The following XYLB variants were observed in gnomAD, a reference collection of about 807,000 sequenced individuals.
The protein encoded by XYLB is xylulose kinase.
Under a neutral mutation model 78.7 loss-of-function variants are expected in XYLB, and 62 were observed. The observed-to-expected ratio is 0.79, with a 90% confidence interval of 0.64 to 0.97. The LOEUF (loss-of-function observed/expected upper bound fraction) is 0.97, where lower values mean the gene tolerates loss of function less well. XYLB is among the 50% of genes least tolerant of loss of function. The pLI is 0.00. For missense variants in XYLB, 687 were observed against 676.8 expected, an observed-to-expected ratio of 1.02 and a Z score of -0.17; for synonymous variants, 245 against 247.4, an observed-to-expected ratio of 0.99 and a Z score of 0.09.
chr3:38,348,437 C>T, intron 1 of XYLB, 113 bp from the exon 2 acceptor site: 1 of 937,992 alleles, frequency 1.1e-6, no homozygotes. Context: ...AAGGAGGTCT[C>T]TAGGTTGAAC....
downstream of XYLB, among the ~76,000 whole-genome samples, chr3:38,423,659 A>G (rs377702894): frequency 2.0e-5 from 3 of 152,262 alleles, no homozygotes; most frequent in East Asian, 5.8e-4. Context: ...CATGTTAAAC[A>G]GTCCAATGAT....
downstream of XYLB, among the ~76,000 whole-genome samples, chr3:38,416,628 A>C (rs1708803896): frequency 1.3e-5 from 2 of 152,178 alleles, no homozygotes; most frequent in South Asian, 4.1e-4. Context: ...AAAAAAAGAG[A>C]TGGGCAAAAA....
chr3:38,432,742 C>G, the XYLB span, among the ~76,000 whole-genome samples: 1 of 152,238 alleles, frequency 6.6e-6, no homozygotes, highest in Non-Finnish European at 1.5e-5. Flanking sequence ...CTCTATTTCT[C>G]ACATCCAGGT....
intron 4 of XYLB, among the ~76,000 whole-genome samples, chr3:38,363,656 T>C (rs550847017): frequency 3.5e-4 from 54 of 152,208 alleles, no homozygotes; most frequent in Non-Finnish European, 7.3e-4. Context: ...TCATCTGTCA[T>C]AGGGTCATTG....
the XYLB span, among the ~76,000 whole-genome samples, chr3:38,429,689 A>T: frequency 6.6e-6 from 1 of 152,052 alleles, no homozygotes. Flanking sequence ...TATTTCTCCT[A>T]ATGCTATCCC....
rs182574635 is a variant in XYLB, at chr3:38,371,127, A to G, written c.765+953A>G. ...ACAGAAGCACTTTTGTTTTCTTTTC[A>G]GAGACAGAGTCTCACCTTGTCACCC... is the stretch of plus-strand genomic sequence containing the variant. On this transcript the variant is annotated intron_variant, in intron 9 of 18. Coordinates refer to ENST00000207870, the MANE Select transcript of XYLB (RefSeq NM_005108.4). Among the ~76,000 whole-genome samples, 26 of 152,308 alleles carry G rather than the reference A, an allele frequency of 1.7e-4. No homozygotes were observed. In the East Asian group the frequency reaches 5.0e-3, roughly 29 times the overall value.
intron 4 of XYLB, among the ~76,000 whole-genome samples, chr3:38,364,970 G>C (rs1706169198): frequency 6.6e-6 from 1 of 152,202 alleles, no homozygotes; most frequent in South Asian, 2.1e-4. Context: ...CCAATAATTA[G>C]TTCTTGGACC....
intron 15 of XYLB, among the ~76,000 whole-genome samples, chr3:38,393,714 A>G (rs752413226): frequency 6.6e-6 from 1 of 152,128 alleles, no homozygotes; most frequent in Non-Finnish European, 1.5e-5. Flanking sequence ...GTGTCTCCAC[A>G]TGGTCTCCTC....
At chr3:38,393,025 T>A (rs987873583) in intron 15 of XYLB, among the ~76,000 whole-genome samples, 1 of 152,242 alleles carries the variant, frequency 6.6e-6, no homozygotes, top group African/African-American at 2.4e-5. Context: ...TTTTTCCACA[T>A]GTTGATCCAG....
At chr3:38,425,458 ATGG>A (rs930994409), downstream of XYLB, among the ~76,000 whole-genome samples, 25 of 152,238 alleles carry the variant, frequency 1.6e-4, no homozygotes, top group African/African-American at 5.8e-4. Context: ...GATTATAGGA[ATGG>A]TGATTATAGG....
At chr3:38,433,338 A>C in the XYLB span, among the ~76,000 whole-genome samples, 1 of 152,184 alleles carries the variant, frequency 6.6e-6, no homozygotes, top group Non-Finnish European at 1.5e-5. Flanking sequence ...GGCTGCCCTG[A>C]AGTTCTCTGA....
chr3:38,353,230 G>A (rs1282936017), intron 2 of XYLB, among the ~76,000 whole-genome samples: 5 of 152,152 alleles, frequency 3.3e-5, no homozygotes, highest in African/African-American at 9.7e-5. Context: ...ATCCAGGTAC[G>A]TAGTATGACA....
chr3:38,372,176 T>G (rs961540988), intron 9 of XYLB, among the ~76,000 whole-genome samples: 5 of 152,202 alleles, frequency 3.3e-5, no homozygotes, highest in Non-Finnish European at 5.9e-5. Context: ...CTCTGTCTTT[T>G]TTGGATTACT....
chr3:38,367,237 G>A (rs747448710), intron 7 of XYLB, among the ~76,000 whole-genome samples: 19 of 152,152 alleles, frequency 1.2e-4, no homozygotes, highest in Admixed American at 3.3e-4. Context: ...GCACATGATT[G>A]GCATAGAGTC....
chr3:38,385,019 G>C (rs2125624547), intron 15 of XYLB, among the ~76,000 whole-genome samples: 1 of 151,730 alleles, frequency 6.6e-6, no homozygotes, highest in African/African-American at 2.4e-5. Flanking sequence ...TTCTTGTTTT[G>C]AGACAGAGTC....
At chr3:38,435,853 A>C in the XYLB span, among the ~76,000 whole-genome samples, 1 of 152,240 alleles carries the variant, frequency 6.6e-6, no homozygotes, top group Non-Finnish European at 1.5e-5. Context: ...CAATTGAGTC[A>C]ATGAAGAAAT....
chr3:38,387,228 A>T (rs950648493), intron 15 of XYLB, among the ~76,000 whole-genome samples: 1 of 151,008 alleles, frequency 6.6e-6, no homozygotes, highest in Non-Finnish European at 1.5e-5. Flanking sequence ...TCAAATATTT[A>T]TTTTTCCCTA....
At chr3:38,377,963 G>A (rs1181995968) in intron 14 of XYLB, among the ~76,000 whole-genome samples, 1 of 152,148 alleles carries the variant, frequency 6.6e-6, no homozygotes, top group Non-Finnish European at 1.5e-5. Context: ...CCTCAAAATT[G>A]ACATTGCTGC....
chr3:38,380,278 C>T (rs545495221), intron 15 of XYLB, among the ~76,000 whole-genome samples: 16 of 152,122 alleles, frequency 1.1e-4, no homozygotes, highest in South Asian at 4.2e-4. Flanking sequence ...GACCCAGGGC[C>T]GGGGGAGGCA....
Sources: allele counts gnomAD v4.1 joint callset (sites outside exome capture counted in the v4.1 genomes callset), GRCh38; gene constraint gnomAD v4.1.1; transcripts MANE v1.5; gene names NCBI Gene and HGNC (gene_info 2026-07-23, HGNC 2026-07-21).